The following OR2L5 variants were observed in gnomAD, a reference collection of about 807,000 sequenced individuals.
The protein encoded by OR2L5 is olfactory receptor 2L5.
For missense variants in OR2L5, 413 were observed against 381.6 expected, an observed-to-expected ratio of 1.08 and a Z score of -0.69; for synonymous variants, 169 against 142.0, an observed-to-expected ratio of 1.19 and a Z score of -1.35.
intron 1 of OR2L5, 124 bp downstream of exon 1, chr1:248,013,862 T>C (rs2103071448): frequency 6.6e-6 from 1 of 152,318 alleles, no homozygotes; most frequent in African/African-American, 2.4e-5. Flanking sequence ...AATTGTACTT[T>C]CTGTTAAGAA....
chr1:248,017,485 C>G (rs1394380894), intron 1 of OR2L5, among the ~76,000 whole-genome samples: 1 of 152,194 alleles, frequency 6.6e-6, no homozygotes, highest in Non-Finnish European at 1.5e-5. Context: ...TCACCACTTG[C>G]AAAGTCATGT....
chr1:248,019,648 C>G (rs761277683), intron 1 of OR2L5, among the ~76,000 whole-genome samples: 1 of 152,298 alleles, frequency 6.6e-6, no homozygotes, highest in South Asian at 2.1e-4. Flanking sequence ...TGAGTAAACT[C>G]AGTTTCGTTT....
Position 248,022,864 on chromosome 1 carries a change from A to G in OR2L5, c.917A>G (p.Asn306Ser), listed in dbSNP as rs765824400. The change falls in exon 2 of 2, where the codon AAT becomes AGT. Residue 306 changes from asparagine to serine, a missense_variant. Asn to Ser is a conservative substitution (Grantham distance 46). Transcript: ENST00000355281. ...GGGGCCCTGACACGAGTGATTCAGA[A>G]TATCTTCTCGGTGAAAATGTAGACA... ...VMGALTRVIQ[N>S]IFSVKM 3.4e-5 allele frequency: 55 copies of G among 1,608,948 alleles called. No homozygotes were observed. Among genetic ancestry groups the G allele is most frequent in the Non-Finnish European group, 4.0e-5 (47 of 1,177,872 alleles).
At position 248,022,208 on chromosome 1, in the gene OR2L5, A is replaced by C. The variant is rs775035772; in HGVS notation, c.261A>C (p.Gly87=). 17 of 1,614,030 alleles carry C rather than the reference A, an allele frequency of 1.1e-5. No individual in the cohort carries two copies. The highest frequency in any genetic ancestry group is 1.3e-5 in the African/African-American group (1 of 74,922). ...AGATGGCTTCTGATTTTCTGTATGG[A>C]AACAAGTCTATCTCCTTCATTGGGT... The part of the protein sequence containing the change: ...VPKMASDFLY[G]NKSISFIGCG... Residue 87 remains glycine (G), a synonymous_variant, in exon 2 of 2, where the codon GGA becomes GGC. Transcript: ENST00000355281.
chr1:248,022,775 C>A lies in OR2L5; in HGVS notation c.828C>A (p.Phe276Leu). The change falls in exon 2 of 2, where the codon TTC (phenylalanine) becomes TTA (leucine). Residue 276 changes from phenylalanine to leucine, a missense_variant. By Grantham distance (22) the Phe-to-Leu change is conservative. Coordinates refer to ENST00000355281, the MANE Select transcript of OR2L5 (RefSeq NM_001258284.2). ...SLTEDKVLAV[F>L]YTILTPMLNP... ...CAGAGGACAAGGTTCTGGCTGTTTTCTACACCATCCTCACCCCAATGCTCA... is the reference window on the plus strand; with the variant it reads ...CAGAGGACAAGGTTCTGGCTGTTTTATACACCATCCTCACCCCAATGCTCA... 6.2e-7 allele frequency: 1 copy of A among 1,614,036 alleles called. No individual in the cohort carries two copies. The highest frequency in any genetic ancestry group is 8.5e-7 in the Non-Finnish European group (1 of 1,180,000).
rs777229899 is a variant in OR2L5 at position 248,023,864 on chromosome 1, C to G, written c.*978C>G. The stretch of plus-strand genomic sequence containing the variant: ...AGTAAGAGAAAAGCCCTGCATTATA[C>G]AACTTTCCATAATGTAACATTTTTC... On this transcript the variant is annotated 3_prime_UTR_variant, in exon 2 of 2. Coordinates refer to ENST00000355281, the MANE Select transcript of OR2L5 (RefSeq NM_001258284.2). 1 of 152,144 alleles carries G rather than the reference C, an allele frequency of 6.6e-6. No individual in the cohort carries two copies. The highest frequency in any genetic ancestry group is 6.5e-5 in the Admixed American group (1 of 15,274). 9.4% of individuals were successfully genotyped at this position (152,144 alleles called of 1,614,324 possible).
Position 248,021,990 on chromosome 1 carries a change from G to A in OR2L5, c.43G>A (p.Gly15Arg). Residue 15 changes from glycine (G) to arginine (R), a missense_variant, in exon 2 of 2, where the codon GGG becomes AGG. Gly to Arg is a moderately radical substitution (Grantham distance 125). Coordinates refer to ENST00000355281, the MANE Select transcript of OR2L5 (RefSeq NM_001258284.2). Reference protein sequence around the residue: ...NQTSTDFILLGLFPPSKIGLF... With the variant: ...NQTSTDFILLRLFPPSKIGLF... Reference sequence around the variant, plus strand: ...AACGTCAACTGATTTCATCTTATTGGGGCTGTTCCCACCATCAAAAATTGG... The same window carrying A: ...AACGTCAACTGATTTCATCTTATTGAGGCTGTTCCCACCATCAAAAATTGG... The A allele has an allele frequency of 1.2e-6, 2 of 1,613,730 alleles. No homozygotes were observed. Among genetic ancestry groups the A allele is most frequent in the Non-Finnish European group, 1.7e-6 (2 of 1,179,824 alleles).
At chr1:248,015,175 C>T (rs1662160674) in intron 1 of OR2L5, among the ~76,000 whole-genome samples, 1 of 152,182 alleles carries the variant, frequency 6.6e-6, no homozygotes, top group Non-Finnish European at 1.5e-5. Context: ...AATTCATACC[C>T]TTCTCAACAA....
At chr1:248,017,998 A>T (rs1353348381) in intron 1 of OR2L5, among the ~76,000 whole-genome samples, 5 of 151,726 alleles carry the variant, frequency 3.3e-5, no homozygotes, top group Admixed American at 1.3e-4. Context: ...ATGTATATAT[A>T]AAAAAAATTA....
chr1:248,018,050 G>A (rs914994796), intron 1 of OR2L5, among the ~76,000 whole-genome samples: 3 of 151,886 alleles, frequency 2.0e-5, no homozygotes, highest in African/African-American at 7.3e-5. Flanking sequence ...AGCTACTTGG[G>A]AGGCTGAGGC....
chr1:248,018,261 A>C (rs1261400242), intron 1 of OR2L5, among the ~76,000 whole-genome samples: 1 of 152,136 alleles, frequency 6.6e-6, no homozygotes, highest in African/African-American at 2.4e-5. Flanking sequence ...ATTCTGTCCT[A>C]TGTTACTTTT....
Position 248,022,293 on chromosome 1 carries a change from T to C in OR2L5, c.346T>C (p.Ser116Pro), listed in dbSNP as rs926022460. 1 of 1,614,170 alleles carries C rather than the reference T, an allele frequency of 6.2e-7. No homozygotes were observed. Among genetic ancestry groups the C allele is most frequent in the Non-Finnish European group, 8.5e-7 (1 of 1,180,010 alleles). Residue 116 changes from serine to proline, a missense_variant, in exon 2 of 2, where the codon TCA becomes CCA. Transcript: ENST00000355281. The stretch of plus-strand genomic sequence containing the variant: ...AGGTGCAGAAGCGCTGCTCCTGACA[T>C]CAATGGCCTATGATCGTTATGTGGC... ...FAGAEALLLT[S>P]MAYDRYVAIC...
chr1:248,022,693 T>C lies in OR2L5; in HGVS notation c.746T>C (p.Phe249Ser), dbSNP rs942839095. Residue 249 changes from phenylalanine to serine, a missense_variant, in exon 2 of 2, where the codon TTC becomes TCC. Transcript: ENST00000355281. The stretch of plus-strand genomic sequence containing the variant: ...AGCACCCACCTCACTGTAGTAACTT[T>C]CTACTATGCACCCTTTGCTTATACC... The part of the protein sequence containing the change: ...TCSTHLTVVT[F>S]YYAPFAYTYL... 2 of 1,614,150 alleles carry C rather than the reference T, an allele frequency of 1.2e-6. No individual in the cohort carries two copies. Among genetic ancestry groups the C allele is most frequent in the Non-Finnish European group, 1.7e-6 (2 of 1,180,010 alleles).
intron 1 of OR2L5, among the ~76,000 whole-genome samples, chr1:248,018,744 T>G (rs1662267100): frequency 6.6e-6 from 1 of 152,192 alleles, no homozygotes; most frequent in African/African-American, 2.4e-5. Flanking sequence ...CCACCATGCA[T>G]CTCCAGAACA....
In OR2L5 at chr1:248,023,124, T is replaced by C. The variant is rs1452415323; in HGVS notation, c.*238T>C. 1 of 355,940 alleles carries C rather than the reference T, an allele frequency of 2.8e-6. No individual in the cohort carries two copies. Among genetic ancestry groups the C allele is most frequent in the African/African-American group, 2.1e-5 (1 of 48,480 alleles). The allele number at this position is 355,940 out of a possible 1,614,324, so 22.0% of individuals were successfully genotyped here. A position where few individuals can be genotyped will look rare whatever the true frequency, so the allele number is the denominator to read the frequency against. The stretch of plus-strand genomic sequence containing the variant: ...TATTTTACACTAAATTGTAAGGCCA[T>C]AGAATTTCATTATCATGTATAAATC... On this transcript the variant is annotated 3_prime_UTR_variant, in exon 2 of 2. Coordinates refer to ENST00000355281, the MANE Select transcript of OR2L5 (RefSeq NM_001258284.2).
rs559064555 is a variant in OR2L5, at chr1:248,021,968, G to A, written c.21G>A (p.Thr7=). ...GCCCCATGGAAAATTACAATCAAAC[G>A]TCAACTGATTTCATCTTATTGGGGC... MENYNQ[T]STDFILLGLF... Residue 7 remains threonine, a synonymous_variant, in exon 2 of 2, where the codon ACG becomes ACA. Transcript: ENST00000355281. The A allele has an allele frequency of 2.5e-4, 401 of 1,613,234 alleles. 3 individuals are homozygous for A. In the South Asian group the frequency reaches 3.8e-3, roughly 15 times the overall value.
chr1:248,023,550 T>C lies in OR2L5; in HGVS notation c.*664T>C, dbSNP rs1426664163. 1 of 152,212 alleles carries C rather than the reference T, an allele frequency of 6.6e-6. No homozygotes were observed. Among genetic ancestry groups the C allele is most frequent in the Non-Finnish European group, 1.5e-5 (1 of 68,050 alleles). 9.4% of individuals were successfully genotyped at this position (152,212 alleles called of 1,614,324 possible). ...CACAACACACACAATGTTTGTCTCC[T>C]GAGTAGCCACGGGTATTCTCATGCA... On this transcript the variant is annotated 3_prime_UTR_variant, in exon 2 of 2. Coordinates refer to ENST00000355281, the MANE Select transcript of OR2L5 (RefSeq NM_001258284.2).
intron 1 of OR2L5, among the ~76,000 whole-genome samples, chr1:248,018,152 C>CAAAAAAA (rs574012485): frequency 5.0e-5 from 7 of 139,952 alleles, no homozygotes; most frequent in African/African-American, 2.1e-4. Flanking sequence ...GACTCCATCT[C>CAAAAAAA]AAAAAAATAA....
chr1:248,017,416 G>A (rs1165273888), intron 1 of OR2L5, among the ~76,000 whole-genome samples: 6 of 152,122 alleles, frequency 3.9e-5, no homozygotes, highest in Admixed American at 1.3e-4. Context: ...AATAATCAAA[G>A]AGATGCTACA....
Sources: allele counts gnomAD v4.1 joint callset (sites outside exome capture counted in the v4.1 genomes callset), GRCh38; gene constraint gnomAD v4.1.1; transcripts MANE v1.5; gene names NCBI Gene and HGNC (gene_info 2026-07-23, HGNC 2026-07-21).